Variants in NLGN1 observed in about 807,000 individuals in gnomAD.
NLGN1 encodes neuroligin-1.
NLGN1 carries 12 observed loss-of-function variants against 65.5 expected under a neutral mutation model. The ratio of observed to expected loss-of-function variants is 0.18; its 90% CI spans 0.12 to 0.30. The LOEUF (loss-of-function observed/expected upper bound fraction) is 0.30, where lower values mean the gene tolerates loss of function less well. Ranked by LOEUF, NLGN1 falls within the 10% of genes least tolerant of loss-of-function variation. The pLI, the probability that NLGN1 is intolerant of heterozygous loss-of-function variation, is 1.00. For synonymous variants in NLGN1, 350 were observed against 359.5 expected (o/e 0.97, Z 0.30); for missense variants, 750 against 1,007.1 (o/e 0.74, Z 3.46).
chr3:173,995,046 A>G (rs1417084845), intron 4 of NLGN1, among the ~76,000 whole-genome samples: 1 of 152,182 alleles, frequency 6.6e-6, no homozygotes, highest in Non-Finnish European at 1.5e-5. Flanking sequence ...CTTGTACCAA[A>G]GAATTCATTT....
At chr3:173,455,301 T>C (rs919324469) in intron 2 of NLGN1, among the ~76,000 whole-genome samples, 1 of 152,068 alleles carries the variant, frequency 6.6e-6, no homozygotes, top group African/African-American at 2.4e-5. Flanking sequence ...CCACAGTCTT[T>C]TAAACCGTGA....
chr3:174,180,469 T>A (rs1037194536), intron 4 of NLGN1, among the ~76,000 whole-genome samples: 8 of 152,178 alleles, frequency 5.3e-5, no homozygotes, highest in Admixed American at 1.3e-4. Context: ...AAATGTGGAA[T>A]TTAGAAATAT....
At chr3:173,610,265 A>G (rs958971602) in intron 3 of NLGN1, among the ~76,000 whole-genome samples, 1 of 152,010 alleles carries the variant, frequency 6.6e-6, no homozygotes, top group Non-Finnish European at 1.5e-5. Context: ...ACCTGGAATA[A>G]TAGATTTGCC....
At chr3:173,986,168 A>T (rs1470352795) in intron 4 of NLGN1, among the ~76,000 whole-genome samples, 10 of 151,982 alleles carry the variant, frequency 6.6e-5, no homozygotes, top group Non-Finnish European at 7.4e-5. Flanking sequence ...TGGTATCCAT[A>T]TAAAAAAGGG....
At chr3:173,627,309 C>G (rs1177671381) in intron 3 of NLGN1, among the ~76,000 whole-genome samples, 7 of 152,076 alleles carry the variant, frequency 4.6e-5, no homozygotes, top group Non-Finnish European at 2.9e-5. Flanking sequence ...CAGTATTTGT[C>G]TTTCTGTGCT....
chr3:174,079,649 G>A (rs1329871750), intron 4 of NLGN1, among the ~76,000 whole-genome samples: 2 of 152,150 alleles, frequency 1.3e-5, no homozygotes, highest in African/African-American at 4.8e-5. Flanking sequence ...GCCCATCAAT[G>A]GTAGTCTGGA....
chr3:173,632,374 T>G (rs571106978), intron 3 of NLGN1, among the ~76,000 whole-genome samples: 120 of 152,310 alleles, frequency 7.9e-4, no homozygotes, highest in Non-Finnish European at 1.3e-3. Flanking sequence ...GAGAAATTTC[T>G]AGGAATCAAG....
intron 3 of NLGN1, among the ~76,000 whole-genome samples, chr3:173,749,341 C>T (rs528879295): frequency 6.6e-6 from 1 of 152,010 alleles, no homozygotes; most frequent in South Asian, 2.1e-4. Flanking sequence ...CCCTATTGGC[C>T]CCAGGCAGAT....
chr3:174,146,353 G>T (rs983925798), intron 4 of NLGN1, among the ~76,000 whole-genome samples: 2 of 152,078 alleles, frequency 1.3e-5, no homozygotes, highest in African/African-American at 2.4e-5. Context: ...ATCTCTAGGT[G>T]TAAAATGAAA....
At chr3:173,758,267 CTG>C (rs1777434050) in intron 3 of NLGN1, among the ~76,000 whole-genome samples, 1 of 151,938 alleles carries the variant, frequency 6.6e-6, no homozygotes, top group Admixed American at 6.6e-5. Flanking sequence ...GCCTCCAGAA[CTG>C]TGAGAAATAA....
chr3:173,889,210 G>T (rs957551467), intron 4 of NLGN1, among the ~76,000 whole-genome samples: 1 of 152,074 alleles, frequency 6.6e-6, no homozygotes, highest in Non-Finnish European at 1.5e-5. Context: ...TTGCCTTTTT[G>T]AGATCATGGC....
At chr3:173,466,107 T>C (rs1465452164) in intron 2 of NLGN1, among the ~76,000 whole-genome samples, 1 of 152,228 alleles carries the variant, frequency 6.6e-6, no homozygotes, top group Non-Finnish European at 1.5e-5. Flanking sequence ...GGGAAAAGTT[T>C]CATCATTTTC....
intron 1 of NLGN1, among the ~76,000 whole-genome samples, chr3:173,423,400 G>C (rs903827610): frequency 6.6e-6 from 1 of 152,098 alleles, no homozygotes; most frequent in Non-Finnish European, 1.5e-5. Context: ...AAAAGTCCAA[G>C]TCCAAAGCCT....
intron 4 of NLGN1, among the ~76,000 whole-genome samples, chr3:174,224,136 T>G (rs760261211): frequency 2.0e-5 from 3 of 152,214 alleles, no homozygotes; most frequent in Non-Finnish European, 4.4e-5. Flanking sequence ...TTGCTTATCT[T>G]TCTCGTTCCA....
intron 3 of NLGN1, among the ~76,000 whole-genome samples, chr3:173,734,379 C>CAA (rs1560261820): frequency 1.7e-5 from 1 of 59,066 alleles, no homozygotes; most frequent in African/African-American, 6.4e-5. Flanking sequence ...GTGGATAATT[C>CAA]TATTTTTTTT....
At chr3:173,928,813 G>A (rs991463315) in intron 4 of NLGN1, among the ~76,000 whole-genome samples, 1 of 151,738 alleles carries the variant, frequency 6.6e-6, no homozygotes, top group African/African-American at 2.4e-5. Context: ...TGGATTACAG[G>A]CATGTGCCAC....
intron 2 of NLGN1, among the ~76,000 whole-genome samples, chr3:173,491,490 G>T (rs529135643): frequency 6.6e-6 from 1 of 151,670 alleles, no homozygotes; most frequent in Non-Finnish European, 1.5e-5. Context: ...TGCTGGATTC[G>T]GTTTGCCAGT....
chr3:174,124,609 G>GTATATATATAAGTACATACT, intron 4 of NLGN1, among the ~76,000 whole-genome samples: 1 of 141,672 alleles, frequency 7.1e-6, no homozygotes, highest in African/African-American at 2.6e-5. Flanking sequence ...ACATATATAC[G>GTATATATATAAGTACATACT]TATATATACG....
chr3:173,502,272 GACTT>G (rs968911415), intron 2 of NLGN1, among the ~76,000 whole-genome samples: 7 of 152,002 alleles, frequency 4.6e-5, no homozygotes, highest in Non-Finnish European at 1.0e-4. Context: ...TTTTCCTAGA[GACTT>G]AGTAAGAGAA....
Sources: gnomAD v4.1 joint callset for allele counts (sites outside exome capture counted in the v4.1 genomes callset) on GRCh38, gnomAD v4.1.1 for gene constraint, MANE v1.5 for transcripts, NCBI Gene and HGNC (gene_info 2026-07-23, HGNC 2026-07-21) for gene names.